Variants in RBM19 observed in about 807,000 individuals in gnomAD.
The protein encoded by RBM19 is probable RNA-binding protein 19.
In RBM19, 94 loss-of-function variants were observed where a neutral mutation model predicts 116.8. The observed-to-expected ratio is 0.80, with a 90% confidence interval of 0.68 to 0.95. The LOEUF (loss-of-function observed/expected upper bound fraction) is 0.95, where lower values mean the gene tolerates loss of function less well. Among genes scored for constraint, RBM19 ranks in the 40% least tolerant of loss-of-function variants. The pLI is 0.00. For missense variants in RBM19, 1,161 were observed against 1,220.7 expected, an observed-to-expected ratio of 0.95 and a Z score of 0.73; for synonymous variants, 475 against 494.1, an observed-to-expected ratio of 0.96 and a Z score of 0.51.
At chr12:113,897,107 A>G (rs900340580) in intron 21 of RBM19, among the ~76,000 whole-genome samples, 10 of 152,352 alleles carry the variant, frequency 6.6e-5, no homozygotes, top group South Asian at 2.1e-4. Context: ...AGCCCTCCCA[A>G]TAGACCCGGC....
At chr12:113,889,199 A>G (rs1880764424) in intron 21 of RBM19, among the ~76,000 whole-genome samples, 1 of 152,168 alleles carries the variant, frequency 6.6e-6, no homozygotes, top group African/African-American at 2.4e-5. Flanking sequence ...GCTTCCATCC[A>G]CTAGATGCCA....
intron 1 of RBM19, among the ~76,000 whole-genome samples, chr12:113,965,783 G>A (rs886141618): frequency 1.1e-4 from 17 of 152,158 alleles, no homozygotes; most frequent in African/African-American, 4.1e-4. Flanking sequence ...ACGCAGGTCC[G>A]CAGATTAATA....
intron 21 of RBM19, among the ~76,000 whole-genome samples, chr12:113,907,398 G>C (rs1882134107): frequency 6.6e-6 from 1 of 152,322 alleles, no homozygotes; most frequent in Admixed American, 6.5e-5. Context: ...ATCAACGCCA[G>C]AGGAATGCCA....
chr12:113,833,538 C>T (rs777420089), intron 23 of RBM19, among the ~76,000 whole-genome samples: 4 of 152,212 alleles, frequency 2.6e-5, no homozygotes, highest in Non-Finnish European at 4.4e-5. Flanking sequence ...GCTTCTCTGC[C>T]TGCTTTGAAC....
chr12:113,851,920 G>T (rs965658189), intron 22 of RBM19, among the ~76,000 whole-genome samples: 2 of 151,880 alleles, frequency 1.3e-5, no homozygotes, highest in East Asian at 3.9e-4. Context: ...GTGTGGAGGC[G>T]CACGTCTGTG....
chr12:113,900,679 T>A (rs1214212374), intron 21 of RBM19, among the ~76,000 whole-genome samples: 1 of 152,108 alleles, frequency 6.6e-6, no homozygotes, highest in African/African-American at 2.4e-5. Flanking sequence ...GACAGCCAAC[T>A]CCTGATGAAG....
At chr12:113,927,596 A>C (rs201714709) in intron 16 of RBM19, among the ~76,000 whole-genome samples, 1 of 90,740 alleles carries the variant, frequency 1.1e-5, no homozygotes, top group Non-Finnish European at 2.2e-5. Context: ...AAAAACAAAA[A>C]AAAAAAAACA....
chr12:113,853,453 A>T (rs1022704301), intron 22 of RBM19, among the ~76,000 whole-genome samples: 24 of 152,372 alleles, frequency 1.6e-4, no homozygotes, highest in African/African-American at 5.8e-4. Flanking sequence ...GCAACTGCAA[A>T]AGTACAAAGG....
intron 16 of RBM19, among the ~76,000 whole-genome samples, chr12:113,932,057 T>C (rs1271918225): frequency 6.6e-6 from 1 of 152,234 alleles, no homozygotes. Flanking sequence ...AGCATGTGCC[T>C]AGAACACAGC....
chr12:113,862,763 C>T (rs963377388), intron 21 of RBM19, among the ~76,000 whole-genome samples: 12 of 152,296 alleles, frequency 7.9e-5, no homozygotes, highest in African/African-American at 2.2e-4. Context: ...ACACTCCCCA[C>T]TGTGCAGATA....
chr12:113,863,204 C>T (rs984632627), intron 21 of RBM19, among the ~76,000 whole-genome samples: 14 of 98,404 alleles, frequency 1.4e-4, no homozygotes, highest in African/African-American at 4.5e-4. Flanking sequence ...AGACACAATA[C>T]GTGTGTCTGT....
At chr12:113,940,996 A>T (rs1244532614) in intron 14 of RBM19, among the ~76,000 whole-genome samples, 2 of 152,244 alleles carry the variant, frequency 1.3e-5, no homozygotes, top group African/African-American at 4.8e-5. Flanking sequence ...AATTTTATTA[A>T]AAAATAATGT....
intron 13 of RBM19, among the ~76,000 whole-genome samples, chr12:113,944,860 T>C (rs922978973): frequency 2.7e-5 from 3 of 109,964 alleles, no homozygotes; most frequent in African/African-American, 1.1e-4. Flanking sequence ...TATGTATATA[T>C]AAAAATGTAT....
At chr12:113,949,808 A>G (rs1290782202) in intron 9 of RBM19, among the ~76,000 whole-genome samples, 3 of 152,124 alleles carry the variant, frequency 2.0e-5, no homozygotes, top group Non-Finnish European at 4.4e-5. Context: ...TGCCCTCCCC[A>G]GGACCCGTGC....
intron 7 of RBM19, among the ~76,000 whole-genome samples, chr12:113,952,855 C>T (rs1871593904): frequency 1.3e-5 from 2 of 152,214 alleles, no homozygotes; most frequent in South Asian, 4.1e-4. Context: ...CATTTCAAGG[C>T]ACTGTTTCCC....
At chr12:113,878,632 G>GACACACACACACACAC (rs55868508) in intron 21 of RBM19, among the ~76,000 whole-genome samples, 1 of 137,830 alleles carries the variant, frequency 7.3e-6, no homozygotes, top group East Asian at 2.2e-4. Flanking sequence ...CATTCTCCCT[G>GACACACACACACACAC]ACACACACAC....
chr12:113,887,684 T>C (rs897291964), intron 21 of RBM19, among the ~76,000 whole-genome samples: 4 of 150,314 alleles, frequency 2.7e-5, no homozygotes, highest in African/African-American at 9.8e-5. Context: ...CAACATCTAG[T>C]AGATCTGATT....
intron 21 of RBM19, among the ~76,000 whole-genome samples, chr12:113,895,243 T>C (rs546563197): frequency 6.6e-6 from 1 of 152,262 alleles, no homozygotes; most frequent in Non-Finnish European, 1.5e-5. Flanking sequence ...ACCTGCAAGG[T>C]GGCCTGCCAG....
At chr12:113,829,905 G>A (rs1875221548) in intron 23 of RBM19, among the ~76,000 whole-genome samples, 1 of 152,212 alleles carries the variant, frequency 6.6e-6, no homozygotes, top group Admixed American at 6.5e-5. Flanking sequence ...TAAGGCCAAG[G>A]GGCGAGCTGC....
Sources: gnomAD v4.1 joint callset for allele counts (sites outside exome capture counted in the v4.1 genomes callset) on GRCh38, gnomAD v4.1.1 for gene constraint, MANE v1.5 for transcripts, NCBI Gene and HGNC (gene_info 2026-07-23, HGNC 2026-07-21) for gene names.